The following PTPRN2 variants were observed in gnomAD, a reference collection of about 807,000 sequenced individuals.
The protein encoded by PTPRN2 is protein tyrosine phosphatase receptor type N2, also known as receptor-type tyrosine-protein phosphatase N2.
In PTPRN2, 74 loss-of-function variants were observed where a neutral mutation model predicts 118.8. The observed-to-expected ratio is 0.62, with a 90% CI of 0.52 to 0.76. PTPRN2 has a LOEUF of 0.76. Ranked by LOEUF, PTPRN2 falls within the 30% of genes least tolerant of loss-of-function variation. The pLI is 0.00. For missense variants in PTPRN2, 1,481 were observed against 1,394.4 expected (o/e 1.06, Z -0.99); for synonymous variants, 641 against 608.0 (o/e 1.05, Z -0.80).
chr7:158,128,692 A>C (rs971754724), intron 9 of PTPRN2, among the ~76,000 whole-genome samples: 2 of 152,094 alleles, frequency 1.3e-5, no homozygotes, highest in African/African-American at 4.8e-5. Flanking sequence ...AAGGTTCCCT[A>C]GCAAACCACA....
At chr7:158,146,964 A>G (rs1820137140) in intron 6 of PTPRN2, among the ~76,000 whole-genome samples, 5 of 139,978 alleles carry the variant, frequency 3.6e-5, no homozygotes, top group African/African-American at 1.4e-4. Flanking sequence ...ATGACACCCC[A>G]TCTCACGCCA....
intron 13 of PTPRN2, among the ~76,000 whole-genome samples, chr7:157,661,823 A>G (rs577715456): frequency 6.6e-6 from 1 of 152,200 alleles, no homozygotes; most frequent in South Asian, 2.1e-4. Context: ...GGCACCAGCC[A>G]TGTTTCCCTC....
intron 3 of PTPRN2, among the ~76,000 whole-genome samples, chr7:158,270,780 A>ACCGCCCC (rs1563067179): frequency 4.4e-5 from 3 of 67,636 alleles, no homozygotes. Context: ...GTCCACCTGG[A>ACCGCCCC]CCACCCCTCC....
At chr7:157,657,269 CACCA>C in intron 13 of PTPRN2, among the ~76,000 whole-genome samples, 1 of 67,218 alleles carries the variant, frequency 1.5e-5, no homozygotes, top group South Asian at 4.6e-4. Context: ...CACACACATA[CACCA>C]CACACACACC....
intron 10 of PTPRN2, among the ~76,000 whole-genome samples, chr7:158,081,900 C>T (rs1340734636): frequency 1.3e-5 from 2 of 152,202 alleles, no homozygotes; most frequent in Non-Finnish European, 2.9e-5. Context: ...TTTTTAAATG[C>T]TATGTCAACC....
intron 2 of PTPRN2, 36 bp from the exon 3 acceptor site, chr7:158,316,968 G>C: frequency 6.7e-7 from 1 of 1,503,332 alleles, no homozygotes; most frequent in Non-Finnish European, 9.1e-7. Context: ...AGAACGAGAC[G>C]TTTCATTTTC....
chr7:157,733,458 T>C (rs141763221), intron 12 of PTPRN2, among the ~76,000 whole-genome samples: 21 of 32,252 alleles, frequency 6.5e-4, no homozygotes, highest in South Asian at 2.0e-3. Context: ...GCACAGTTAC[T>C]CTTTTCCGCC....
chr7:157,558,475 C>T (rs1010629770), intron 21 of PTPRN2, among the ~76,000 whole-genome samples: 5 of 152,354 alleles, frequency 3.3e-5, no homozygotes, highest in Middle Eastern at 3.4e-3. Context: ...CGGTCAATGG[C>T]GTTCAGGAGG....
At chr7:157,570,139 G>A (rs1011938366) in intron 20 of PTPRN2, among the ~76,000 whole-genome samples, 2 of 152,370 alleles carry the variant, frequency 1.3e-5, no homozygotes, top group Middle Eastern at 6.8e-3. Flanking sequence ...CATCACCAAG[G>A]AGGAGAGGCG....
chr7:157,590,918 A>G lies in PTPRN2; in HGVS notation c.2496+4320T>C, dbSNP rs1800950557. Among the ~76,000 whole-genome samples, 1 of 152,144 alleles carries G rather than the reference A, an allele frequency of 6.6e-6. No individual in the cohort carries two copies. The highest frequency in any genetic ancestry group is 1.5e-5 in the Non-Finnish European group (1 of 68,028). On this transcript the variant is annotated intron_variant, in intron 17 of 22. Coordinates refer to ENST00000389418, the MANE Select transcript of PTPRN2 (RefSeq NM_002847.5). This position sits in a 1 kb window ranked among gnomAD's most constrained non-coding sequence, Gnocchi z 4.0. ...TGTGGGTGCCAATTAGCTGCTTGGA[A>G]AAGGTCTTTTTTCTTCTTAGCCATT...
chr7:158,058,208 C>A (rs10266296), intron 11 of PTPRN2, among the ~76,000 whole-genome samples: 24,197 of 134,410 alleles, frequency 0.18, 1,149 homozygotes, highest in Middle Eastern at 0.3. Flanking sequence ...CTCCATCTGC[C>A]CACGGTGAGA....
At chr7:157,705,331 C>T (rs2150873665) in intron 12 of PTPRN2, among the ~76,000 whole-genome samples, 1 of 152,236 alleles carries the variant, frequency 6.6e-6, no homozygotes, top group South Asian at 2.1e-4. Flanking sequence ...AAAACAAAAC[C>T]CTCCATTTTC....
At chr7:158,247,512 C>G (rs1302365774) in intron 3 of PTPRN2, among the ~76,000 whole-genome samples, 3 of 152,202 alleles carry the variant, frequency 2.0e-5, no homozygotes, top group Admixed American at 1.3e-4. Flanking sequence ...GGCAGCTGGG[C>G]ACTGGGCCAC....
At position 157,711,270 on chromosome 7, in the gene PTPRN2, TCC is replaced by T. The variant is rs1798598833; in HGVS notation, c.1789-28335_1789-28334del. 3.4e-4 allele frequency among the ~76,000 whole-genome samples: 2 copies of T among 5,846 alleles called. 1 individual carries two copies. Among genetic ancestry groups the T allele is most frequent in the East Asian group, 0.013 (2 of 158 alleles). 3.8% of individuals were successfully genotyped at this position (5,846 alleles called of 152,430 possible). ...ACGCAGAGCCCCACGCGCCGGAGGT[TCC>T]GGGGCAGCCGGGTTACACGCGAGAG... On this transcript the variant is annotated intron_variant, in intron 12 of 22. Transcript: ENST00000389418.
rs757825569 is a variant in PTPRN2, at chr7:157,662,947, C to T, written c.2002-6396G>A. 7.2e-5 allele frequency among the ~76,000 whole-genome samples: 11 copies of T among 152,138 alleles called. No homozygotes were observed. In the East Asian group the frequency reaches 7.7e-4, roughly 11 times the overall value. Reference sequence around the variant, plus strand: ...TAACCTCACGGCTCAGCCACGTTCACGCAGCACGGTTCAGTCAGAAGTTCA... The same window carrying T: ...TAACCTCACGGCTCAGCCACGTTCATGCAGCACGGTTCAGTCAGAAGTTCA... On this transcript the variant is annotated intron_variant, in intron 13 of 22. Transcript: ENST00000389418.
intron 2 of PTPRN2, among the ~76,000 whole-genome samples, chr7:158,429,471 G>A (rs1467585938): frequency 6.6e-6 from 1 of 152,130 alleles, no homozygotes; most frequent in Non-Finnish European, 1.5e-5. Flanking sequence ...TCGTTCCCAC[G>A]GACCGTCAGC....
intron 2 of PTPRN2, among the ~76,000 whole-genome samples, chr7:158,434,747 A>G (rs1297679850): frequency 6.6e-6 from 1 of 151,504 alleles, no homozygotes; most frequent in Non-Finnish European, 1.5e-5. Context: ...TTTCTTCTGG[A>G]TGGAGTATTT....
rs114722142 is a variant in PTPRN2 at position 157,824,533 on chromosome 7, G to A, written c.1788+74140C>T. ...CTCAGGGACTCTTTGCTGACTCAAG[G>A]CTGCCACACAGGCCCCCGGAAGAAC... On this transcript the variant is annotated intron_variant, in intron 12 of 22. Coordinates refer to ENST00000389418, the MANE Select transcript of PTPRN2 (RefSeq NM_002847.5). Among the ~76,000 whole-genome samples, 527 of 152,272 alleles carry A rather than the reference G, an allele frequency of 3.5e-3. 5 individuals are homozygous for A. The highest frequency in any genetic ancestry group is 0.012 in the African/African-American group (480 of 41,558).
intron 15 of PTPRN2, chr7:157,614,224 A>G (rs563793299): frequency 5.3e-4 from 226 of 424,534 alleles, no homozygotes; most frequent in African/African-American, 4.3e-3. Flanking sequence ...GCCCGTGGCA[A>G]GGTCGCAGAG....
Sources: allele counts gnomAD v4.1 joint callset (sites outside exome capture counted in the v4.1 genomes callset), GRCh38; gene constraint gnomAD v4.1.1; non-coding constraint Gnocchi (gnomAD v3.1); transcripts MANE v1.5; gene names NCBI Gene and HGNC (gene_info 2026-07-23, HGNC 2026-07-21).